The following RRAGD variants were observed in gnomAD, a reference collection of about 807,000 sequenced individuals.
RRAGD encodes ras-related GTP-binding protein D.
RRAGD carries 12 observed loss-of-function variants against 35.5 expected under a neutral mutation model. The ratio of observed to expected loss-of-function variants is 0.34; its 90% CI spans 0.22 to 0.55. RRAGD has a LOEUF of 0.55. RRAGD is among the 20% of genes least tolerant of loss of function. The pLI is 0.91. For synonymous variants in RRAGD, 155 were observed against 178.9 expected, an observed-to-expected ratio of 0.87 and a Z score of 1.07; for missense variants, 324 against 490.1, an observed-to-expected ratio of 0.66 and a Z score of 3.20.
intron 1 of RRAGD, among the ~76,000 whole-genome samples, chr6:89,403,075 C>T (rs924007040): frequency 2.6e-5 from 4 of 152,186 alleles, no homozygotes; most frequent in African/African-American, 7.2e-5. Flanking sequence ...AGTGTACCTA[C>T]AATAGCATAT....
chr6:89,404,773 G>A (rs1282826083), intron 1 of RRAGD, among the ~76,000 whole-genome samples: 1 of 152,150 alleles, frequency 6.6e-6, no homozygotes, highest in Non-Finnish European at 1.5e-5. Context: ...GGGCTGCCTG[G>A]GGACCCTGCC....
In RRAGD at chr6:89,411,883, G is replaced by C. The variant is rs765275980; in HGVS notation, c.111C>G (p.Ser37=). 1 of 1,548,118 alleles carries C rather than the reference G, an allele frequency of 6.5e-7. No homozygotes were observed. The highest frequency in any genetic ancestry group is 1.2e-5 in the South Asian group (1 of 84,738). Residue 37 remains serine (S), a synonymous_variant, in exon 1 of 7, where the codon TCC becomes TCG. Coordinates refer to ENST00000369415, the MANE Select transcript of RRAGD (RefSeq NM_021244.5). This position sits in a 1 kb window ranked among gnomAD's most constrained non-coding sequence, Gnocchi z 5.6. ...TGCCGCTGTCCGGATCGGCGTCGGA[G>C]GAGTCGGGCCCGTCTCCGTAGTCCG... ...GLADYGDGPD[S]SDADPDSGTE...
rs1275078499 is a variant in RRAGD, at chr6:89,367,058, A to C, written c.*998T>G. ...ATTCACTATGGTCATGGAGCAATAAAGAACTGGTCCTGAATAAGCATTTTA... is the reference window on the plus strand; with the variant it reads ...ATTCACTATGGTCATGGAGCAATAACGAACTGGTCCTGAATAAGCATTTTA... On this transcript the variant is annotated 3_prime_UTR_variant, in exon 7 of 7. Coordinates refer to ENST00000369415, the MANE Select transcript of RRAGD (RefSeq NM_021244.5). 2 of 152,250 alleles carry C rather than the reference A, an allele frequency of 1.3e-5. No individual in the cohort carries two copies. Among genetic ancestry groups the C allele is most frequent in the Non-Finnish European group, 2.9e-5 (2 of 68,048 alleles). 9.4% of individuals were successfully genotyped at this position (152,250 alleles called of 1,614,324 possible). A position where few individuals can be genotyped will look rare whatever the true frequency, so the allele number is the denominator to read the frequency against.
Position 89,404,290 on chromosome 6 carries a change from A to C in RRAGD, c.148+7556T>G, listed in dbSNP as rs144150525. Among the ~76,000 whole-genome samples, 280 of 152,344 alleles carry C rather than the reference A, an allele frequency of 1.8e-3. 1 individual carries two copies. Among genetic ancestry groups the C allele is most frequent in the African/African-American group, 6.4e-3 (267 of 41,572 alleles). ...AACTGAGGCCTCAGTGCTTACCCAC[A>C]ACAAACACTCAATAGATGTTTGTTG... On this transcript the variant is annotated intron_variant, in intron 1 of 6. Coordinates refer to ENST00000369415, the MANE Select transcript of RRAGD (RefSeq NM_021244.5).
chr6:89,371,033 T>C (rs1273904935), intron 6 of RRAGD, among the ~76,000 whole-genome samples: 1 of 151,524 alleles, frequency 6.6e-6, no homozygotes, highest in Non-Finnish European at 1.5e-5. Context: ...GTAAGTGAAA[T>C]ATATGTAATA....
At chr6:89,405,487 T>C (rs1769561295) in intron 1 of RRAGD, among the ~76,000 whole-genome samples, 1 of 150,798 alleles carries the variant, frequency 6.6e-6, no homozygotes, top group Non-Finnish European at 1.5e-5. Flanking sequence ...TGTGACCCCA[T>C]ACATGTCCCC....
At chr6:89,372,675 AAAGTGATAATCAT>A in intron 5 of RRAGD, 90 bp from the exon 6 acceptor site, 2 of 1,326,846 alleles carry the variant, frequency 1.5e-6, no homozygotes, top group South Asian at 3.0e-5. Flanking sequence ...TAAGCCACAA[AAAGTGATAATCAT>A]AAGTTGTTTA....
chr6:89,402,953 G>A (rs1176511700), intron 1 of RRAGD, among the ~76,000 whole-genome samples: 1 of 152,122 alleles, frequency 6.6e-6, no homozygotes, highest in Non-Finnish European at 1.5e-5. Context: ...TCTCAAGGTG[G>A]TAACACTCAT....
At chr6:89,390,513 CAT>C (rs1423262648) in intron 1 of RRAGD, among the ~76,000 whole-genome samples, 7 of 152,230 alleles carry the variant, frequency 4.6e-5, no homozygotes, top group Non-Finnish European at 7.3e-5. Context: ...CAGATAATAA[CAT>C]GTGTTAGTGA....
At chr6:89,405,617 T>C (rs950913754) in intron 1 of RRAGD, among the ~76,000 whole-genome samples, 4 of 151,978 alleles carry the variant, frequency 2.6e-5, no homozygotes, top group Admixed American at 2.6e-4. Context: ...ACTCCCCTTC[T>C]TTTTTCCCAC....
rs1768748405 is a variant in RRAGD, at chr6:89,366,480, T to G, written c.*1576A>C. The G allele has an allele frequency of 6.6e-6, 1 of 151,094 alleles. No homozygotes were observed. 9.4% of individuals were successfully genotyped at this position (151,094 alleles called of 1,614,324 possible). ...CCAAGAGGTAACAGTGAGCTATGAT[T>G]GTACCAATGTATTCCAGCACAAGCA... On this transcript the variant is annotated 3_prime_UTR_variant, in exon 7 of 7. Coordinates refer to ENST00000369415, the MANE Select transcript of RRAGD (RefSeq NM_021244.5).
At chr6:89,382,148 C>G (rs1769054872) in intron 2 of RRAGD, among the ~76,000 whole-genome samples, 1 of 152,008 alleles carries the variant, frequency 6.6e-6, no homozygotes, top group Admixed American at 6.5e-5. Flanking sequence ...TGGCATTCTT[C>G]TATGCTCCAA....
intron 1 of RRAGD, among the ~76,000 whole-genome samples, chr6:89,407,131 G>A (rs1041948834): frequency 6.6e-6 from 1 of 152,154 alleles, no homozygotes; most frequent in African/African-American, 2.4e-5. Flanking sequence ...TGGAGCCGAA[G>A]TCTTTCTCAG....
intron 1 of RRAGD, among the ~76,000 whole-genome samples, chr6:89,402,343 G>T (rs985566945): frequency 5.9e-5 from 9 of 152,104 alleles, no homozygotes; most frequent in African/African-American, 2.2e-4. Context: ...ACTGAGCCCG[G>T]CCTGGAAATC....
intron 6 of RRAGD, among the ~76,000 whole-genome samples, chr6:89,369,699 C>A (rs1419357946): frequency 6.6e-6 from 1 of 152,148 alleles, no homozygotes; most frequent in Non-Finnish European, 1.5e-5. Context: ...ACCACTGGCA[C>A]CCGCCCCTAT....
chr6:89,367,210 G>A lies in RRAGD; in HGVS notation c.*846C>T, dbSNP rs1296994726. 1 of 152,186 alleles carries A rather than the reference G, an allele frequency of 6.6e-6. No individual in the cohort carries two copies. Among genetic ancestry groups the A allele is most frequent in the East Asian group, 1.9e-4 (1 of 5,204 alleles). 9.4% of individuals were successfully genotyped at this position (152,186 alleles called of 1,614,324 possible). Reference sequence around the variant, plus strand: ...GCCTCTGATGTTACTTTAGCCCTGGGTGGTAGGTACAGAAAAGCCTCCAGA... The same window carrying A: ...GCCTCTGATGTTACTTTAGCCCTGGATGGTAGGTACAGAAAAGCCTCCAGA... On this transcript the variant is annotated 3_prime_UTR_variant, in exon 7 of 7. Coordinates refer to ENST00000369415, the MANE Select transcript of RRAGD (RefSeq NM_021244.5).
chr6:89,404,665 C>T (rs1292578269), intron 1 of RRAGD, among the ~76,000 whole-genome samples: 4 of 152,094 alleles, frequency 2.6e-5, no homozygotes, highest in Non-Finnish European at 5.9e-5. Context: ...TCACTTAATC[C>T]GGAATTATCC....
At chr6:89,395,583 A>C (rs1038904899) in intron 1 of RRAGD, among the ~76,000 whole-genome samples, 6 of 152,184 alleles carry the variant, frequency 3.9e-5, no homozygotes, top group African/African-American at 1.2e-4. Flanking sequence ...TTTGCCAAAC[A>C]CAAATGTTTC....
intron 1 of RRAGD, among the ~76,000 whole-genome samples, chr6:89,398,692 C>T (rs546592478): frequency 2.0e-5 from 3 of 152,326 alleles, no homozygotes; most frequent in African/African-American, 7.2e-5. Flanking sequence ...CCAGGCACTA[C>T]TTTAGGCACT....
Sources: gnomAD v4.1 joint callset for allele counts (sites outside exome capture counted in the v4.1 genomes callset) on GRCh38, gnomAD v4.1.1 for gene constraint, Gnocchi (gnomAD v3.1) non-coding constraint, MANE v1.5 for transcripts, NCBI Gene and HGNC (gene_info 2026-07-23, HGNC 2026-07-21) for gene names.